PTPRD: variants seen among roughly 807,000 people sequenced by gnomAD.
PTPRD encodes protein tyrosine phosphatase receptor type D.
In PTPRD, 34 loss-of-function variants were observed where a neutral mutation model predicts 214.5. The ratio of observed to expected loss-of-function variants is 0.16; its 90% confidence interval spans 0.12 to 0.21. PTPRD has a LOEUF of 0.21. Ranked by LOEUF, PTPRD falls within the 10% of genes least tolerant of loss-of-function variation. The pLI is 1.00. For missense variants in PTPRD, 2,545 were observed against 2,398.7 expected (o/e 1.06, Z -1.27); for synonymous variants, 1,128 against 845.7 (o/e 1.33, Z -5.79).
chr9:8,743,662 T>A (rs1043314806), intron 11 of PTPRD, among the ~76,000 whole-genome samples: 1 of 151,924 alleles, frequency 6.6e-6, no homozygotes, highest in Non-Finnish European at 1.5e-5. Context: ...GAAGATAACA[T>A]CAGAAAAACC....
At chr9:10,580,344 T>C (rs16926140) in intron 2 of PTPRD, among the ~76,000 whole-genome samples, 8,589 of 152,274 alleles carry the variant, frequency 0.056, 432 homozygotes, top group African/African-American at 0.13. Flanking sequence ...GGAATGTGAT[T>C]TGATTTCAAT....
chr9:9,201,254 C>A (rs2099941680), intron 9 of PTPRD, among the ~76,000 whole-genome samples: 1 of 152,078 alleles, frequency 6.6e-6, no homozygotes, highest in African/African-American at 2.4e-5. Flanking sequence ...AAAAACAATG[C>A]TGACTTAAGT....
intron 3 of PTPRD, among the ~76,000 whole-genome samples, chr9:10,097,676 G>C (rs112740414): frequency 9.9e-5 from 15 of 151,694 alleles, no homozygotes; most frequent in African/African-American, 3.6e-4. Flanking sequence ...CAATCATGTC[G>C]TCTGCAAACA....
chr9:8,921,447 A>C (rs933928195), intron 11 of PTPRD, among the ~76,000 whole-genome samples: 1 of 152,030 alleles, frequency 6.6e-6, no homozygotes, highest in African/African-American at 2.4e-5. Flanking sequence ...AAATCTGAGC[A>C]TGAGGATGTG....
intron 8 of PTPRD, among the ~76,000 whole-genome samples, chr9:9,471,827 G>A (rs2094608768): frequency 6.6e-6 from 1 of 152,088 alleles, no homozygotes; most frequent in Admixed American, 6.5e-5. Context: ...CAGCATTGCA[G>A]CATTCATACT....
intron 3 of PTPRD, among the ~76,000 whole-genome samples, chr9:10,093,988 T>G (rs2098458405): frequency 6.6e-6 from 1 of 151,326 alleles, no homozygotes; most frequent in African/African-American, 2.4e-5. Context: ...TAGGGTACTA[T>G]GCTCACTACC....
At chr9:8,472,482 C>G (rs527280927) in intron 30 of PTPRD, among the ~76,000 whole-genome samples, 2 of 152,190 alleles carry the variant, frequency 1.3e-5, no homozygotes, top group South Asian at 4.1e-4. Flanking sequence ...TGATTAAGAA[C>G]TCTGTTTCCA....
At chr9:9,796,946 T>C (rs765940967) in intron 5 of PTPRD, among the ~76,000 whole-genome samples, 7 of 152,182 alleles carry the variant, frequency 4.6e-5, no homozygotes, top group Non-Finnish European at 1.0e-4. Context: ...ATCATCTGAA[T>C]AGTAATATTT....
intron 9 of PTPRD, among the ~76,000 whole-genome samples, chr9:9,229,264 C>T (rs1352746720): frequency 2.6e-5 from 4 of 152,084 alleles, no homozygotes; most frequent in Admixed American, 2.6e-4. Context: ...GAGTAATAGT[C>T]CTGTAACTGA....
At chr9:9,513,521 A>G (rs1307364490) in intron 8 of PTPRD, among the ~76,000 whole-genome samples, 1 of 151,814 alleles carries the variant, frequency 6.6e-6, no homozygotes, top group Non-Finnish European at 1.5e-5. Context: ...TAAAGATCCA[A>G]AAATTATTTA....
chr9:9,927,236 G>A (rs540360291), intron 5 of PTPRD, among the ~76,000 whole-genome samples: 2 of 152,244 alleles, frequency 1.3e-5, no homozygotes, highest in Admixed American at 6.5e-5. Context: ...ACTGCTGGAG[G>A]AGGAGCATGA....
At chr9:9,164,721 A>G (rs1032641604) in intron 10 of PTPRD, among the ~76,000 whole-genome samples, 6 of 152,056 alleles carry the variant, frequency 3.9e-5, no homozygotes, top group African/African-American at 1.4e-4. Flanking sequence ...TTTTTAAAAA[A>G]TTTCTCCAAG....
intron 2 of PTPRD, among the ~76,000 whole-genome samples, chr9:10,578,582 T>C (rs984114989): frequency 1.3e-5 from 2 of 152,096 alleles, no homozygotes; most frequent in African/African-American, 2.4e-5. Context: ...TTCTTACAAA[T>C]AAAAAAGATT....
At chr9:10,578,715 A>G (rs549568176) in intron 2 of PTPRD, among the ~76,000 whole-genome samples, 2 of 152,094 alleles carry the variant, frequency 1.3e-5, no homozygotes, top group Non-Finnish European at 2.9e-5. Flanking sequence ...TTTCGTTCAT[A>G]TTAGTTTTTT....
intron 2 of PTPRD, among the ~76,000 whole-genome samples, chr9:10,514,468 A>C (rs2049334097): frequency 6.6e-6 from 1 of 151,590 alleles, no homozygotes; most frequent in Non-Finnish European, 1.5e-5. Flanking sequence ...TATATATAAA[A>C]TAAACTTTTT....
intron 2 of PTPRD, among the ~76,000 whole-genome samples, chr9:10,497,679 T>G (rs912365393): frequency 2.6e-5 from 4 of 152,042 alleles, no homozygotes; most frequent in Non-Finnish European, 5.9e-5. Flanking sequence ...TTAAGCAAAT[T>G]TATTGTTGAG....
At chr9:10,164,400 T>C (rs930549427) in intron 3 of PTPRD, among the ~76,000 whole-genome samples, 69 of 151,594 alleles carry the variant, frequency 4.6e-4, no homozygotes, top group African/African-American at 1.6e-3. Context: ...TCACTGTTTT[T>C]TCTCCCATTA....
At chr9:10,019,582 G>T (rs1366957825) in intron 4 of PTPRD, among the ~76,000 whole-genome samples, 1 of 152,136 alleles carries the variant, frequency 6.6e-6, no homozygotes, top group Non-Finnish European at 1.5e-5. Context: ...ATACACCATG[G>T]AATACTATGC....
chr9:9,381,973 T>C (rs1429643418), intron 9 of PTPRD, among the ~76,000 whole-genome samples: 5 of 152,078 alleles, frequency 3.3e-5, no homozygotes, highest in African/African-American at 7.2e-5. Context: ...ATAGGTAGTA[T>C]GCACATTTTA....
Sources: allele counts gnomAD v4.1 joint callset (sites outside exome capture counted in the v4.1 genomes callset), GRCh38; gene constraint gnomAD v4.1.1; transcripts MANE v1.5; gene names NCBI Gene and HGNC (gene_info 2026-07-23, HGNC 2026-07-21).